TEX36: variants seen among roughly 807,000 people sequenced by gnomAD.
TEX36 encodes the protein testis expressed 36, also known as testis-expressed protein 36.
Under a neutral mutation model 13.6 loss-of-function variants are expected in TEX36, and 12 were observed. The ratio of observed to expected loss-of-function variants is 0.88; its 90% CI spans 0.56 to 1.43. The LOEUF is 1.43. Ranked by LOEUF, TEX36 falls within the 40% of genes most tolerant of loss-of-function variation. The pLI is 0.00. For synonymous variants in TEX36, 93 were observed against 83.0 expected (o/e 1.12, Z -0.65); for missense variants, 224 against 228.3 (o/e 0.98, Z 0.12).
chr10:125,682,788 G>C (rs12414666), intron 1 of TEX36, 151 bp downstream of exon 1: 1 of 843,076 alleles, frequency 1.2e-6, no homozygotes, highest in Non-Finnish European at 1.9e-6. Context: ...GGATTCCCAT[G>C]TCACAGATGA....
intron 1 of TEX36, among the ~76,000 whole-genome samples, chr10:125,674,010 C>T (rs1400232500): frequency 2.6e-5 from 4 of 152,102 alleles, no homozygotes; most frequent in Non-Finnish European, 5.9e-5. Flanking sequence ...TCCTGAAGTA[C>T]GTTTTCCAAC....
Position 125,683,032 on chromosome 10 carries a change from C to T in TEX36, c.-43G>A. ...ATGTGGCTGAGATTGGCTCCCTCAC[C>T]TCTCCATAAGCTCTACATGTCTGGG... is the stretch of plus-strand genomic sequence containing the variant. On this transcript the variant is annotated 5_prime_UTR_variant, in exon 1 of 4. Transcript: ENST00000368821. 6.5e-7 allele frequency: 1 copy of T among 1,549,350 alleles called. No homozygotes were observed. Among genetic ancestry groups the T allele is most frequent in the Non-Finnish European group, 8.7e-7 (1 of 1,144,854 alleles).
At chr10:125,673,467 T>C (rs915716072) in intron 1 of TEX36, among the ~76,000 whole-genome samples, 1 of 152,170 alleles carries the variant, frequency 6.6e-6, no homozygotes, top group African/African-American at 2.4e-5. Context: ...TCCCAGCACT[T>C]TGGAAGGCCA....
intron 3 of TEX36, among the ~76,000 whole-genome samples, chr10:125,644,497 C>A (rs1846737621): frequency 6.6e-6 from 1 of 152,088 alleles, no homozygotes; most frequent in South Asian, 2.1e-4. Context: ...ATGTAAATGT[C>A]AGACATGATT....
chr10:125,598,115 C>T (rs1183737475), intron 3 of TEX36, among the ~76,000 whole-genome samples: 3 of 152,106 alleles, frequency 2.0e-5, no homozygotes, highest in African/African-American at 7.2e-5. Context: ...GGTCTGTGGG[C>T]CACCTGCAAA....
chr10:125,636,336 G>A (rs868791024), intron 3 of TEX36, among the ~76,000 whole-genome samples: 2 of 151,276 alleles, frequency 1.3e-5, no homozygotes, highest in South Asian at 2.1e-4. Flanking sequence ...CTCCCGAGTA[G>A]CTGGGACTAC....
At chr10:125,666,293 C>T (rs1047599053) in intron 1 of TEX36, among the ~76,000 whole-genome samples, 7 of 152,260 alleles carry the variant, frequency 4.6e-5, no homozygotes, top group East Asian at 1.9e-4. Context: ...GGAGCAAAGG[C>T]GTTCAACTTT....
chr10:125,642,646 T>C (rs564048166), intron 3 of TEX36, among the ~76,000 whole-genome samples: 1 of 152,324 alleles, frequency 6.6e-6, no homozygotes, highest in African/African-American at 2.4e-5. Flanking sequence ...TTGACTTACA[T>C]CTTAAGAAAG....
At chr10:125,626,004 T>G (rs1846485581) in intron 3 of TEX36, among the ~76,000 whole-genome samples, 1 of 152,104 alleles carries the variant, frequency 6.6e-6, no homozygotes, top group African/African-American at 2.4e-5. Flanking sequence ...CGTAGACACC[T>G]TCAGGGACCA....
exon 4 of TEX36, chr10:125,621,625 C>A: frequency 2.2e-6 from 1 of 455,822 alleles, no homozygotes; most frequent in Non-Finnish European, 4.4e-6. Context: ...AAGAGAAGTC[C>A]CACGATAGGC....
chr10:125,615,342 T>G (rs1217569083), intron 3 of TEX36, among the ~76,000 whole-genome samples: 22 of 152,082 alleles, frequency 1.4e-4, no homozygotes, highest in African/African-American at 2.9e-4. Context: ...GGTGAGAGAG[T>G]GCATCCCTGT....
At chr10:125,616,655 T>G (rs1271549861), downstream of TEX36, among the ~76,000 whole-genome samples, 2 of 110,774 alleles carry the variant, frequency 1.8e-5, no homozygotes, top group African/African-American at 7.0e-5. Context: ...AGAGACAGTT[T>G]GTTATAATTT....
intron 3 of TEX36, among the ~76,000 whole-genome samples, chr10:125,593,548 T>G (rs985472672): frequency 1.3e-5 from 2 of 152,170 alleles, no homozygotes; most frequent in Admixed American, 6.5e-5. Flanking sequence ...CATTAGAAAA[T>G]TCGTGGATGG....
At chr10:125,652,587 A>G (rs1463215835), downstream of TEX36, among the ~76,000 whole-genome samples, 2 of 152,254 alleles carry the variant, frequency 1.3e-5, no homozygotes, top group Non-Finnish European at 2.9e-5. Context: ...CAAGGACTTC[A>G]TGACTAAAAC....
At chr10:125,650,944 C>A (rs749769345), downstream of TEX36, among the ~76,000 whole-genome samples, 16 of 152,046 alleles carry the variant, frequency 1.1e-4, no homozygotes, top group Non-Finnish European at 2.4e-4. Flanking sequence ...AAGACTAAAC[C>A]AAGAAGAAGT....
chr10:125,640,160 T>G (rs1000281214), intron 3 of TEX36: 1 of 985,034 alleles, frequency 1.0e-6, no homozygotes, highest in Non-Finnish European at 1.2e-6. Flanking sequence ...GCCAGATCAG[T>G]GCCCAAGTGG....
intron 3 of TEX36, among the ~76,000 whole-genome samples, chr10:125,608,264 T>C (rs1317373964): frequency 8.1e-6 from 1 of 123,160 alleles, no homozygotes; most frequent in Non-Finnish European, 1.6e-5. Context: ...GGTGGAAATG[T>C]CCTATAGATT....
intron 3 of TEX36, among the ~76,000 whole-genome samples, chr10:125,607,583 T>C (rs1846230029): frequency 6.6e-6 from 1 of 152,110 alleles, no homozygotes; most frequent in Non-Finnish European, 1.5e-5. Flanking sequence ...GTTGAACCAC[T>C]GAGCTCATGA....
At chr10:125,611,424 C>G (rs1206407170) in intron 3 of TEX36, among the ~76,000 whole-genome samples, 1 of 152,118 alleles carries the variant, frequency 6.6e-6, no homozygotes, top group Non-Finnish European at 1.5e-5. Flanking sequence ...AAAAGACATG[C>G]TATTGTTGTA....
Sources: allele counts gnomAD v4.1 joint callset (sites outside exome capture counted in the v4.1 genomes callset), GRCh38; gene constraint gnomAD v4.1.1; transcripts MANE v1.5; gene names NCBI Gene and HGNC (gene_info 2026-07-23, HGNC 2026-07-21).